The following PKP4 variants were observed in gnomAD, a reference collection of about 807,000 sequenced individuals.
The protein encoded by PKP4 is plakophilin 4, also known as plakophilin-4.
PKP4 carries 90 observed loss-of-function variants against 145.1 expected under a neutral mutation model. That is an observed-to-expected ratio of 0.62 (90% CI 0.52 to 0.74). The LOEUF is 0.74. PKP4 is among the 30% of genes least tolerant of loss of function. The pLI is 0.00. For missense variants in PKP4, 1,340 were observed against 1,482.7 expected, an observed-to-expected ratio of 0.90 and a Z score of 1.58; for synonymous variants, 563 against 577.2, an observed-to-expected ratio of 0.98 and a Z score of 0.35.
intron 3 of PKP4, among the ~76,000 whole-genome samples, chr2:158,597,694 T>G (rs1246405337): frequency 6.6e-6 from 1 of 152,246 alleles, no homozygotes; most frequent in Non-Finnish European, 1.5e-5. Context: ...TCCCTTCTAA[T>G]TAATACTGAG....
At chr2:158,486,257 G>T (rs1435687419) in intron 1 of PKP4, among the ~76,000 whole-genome samples, 1 of 152,124 alleles carries the variant, frequency 6.6e-6, no homozygotes, top group African/African-American at 2.4e-5. Flanking sequence ...ATTGTATGAG[G>T]TATAGAGACA....
intron 11 of PKP4, among the ~76,000 whole-genome samples, chr2:158,653,636 A>G (rs1191368466): frequency 2.0e-5 from 3 of 152,280 alleles, no homozygotes; most frequent in African/African-American, 7.2e-5. Flanking sequence ...CACAACAAAT[A>G]GCTAATTGCT....
intron 1 of PKP4, among the ~76,000 whole-genome samples, chr2:158,517,620 T>A (rs554884322): frequency 6.6e-6 from 1 of 152,256 alleles, no homozygotes; most frequent in South Asian, 2.1e-4. Flanking sequence ...AAGATAATCC[T>A]GGGTAGTAGC....
intron 2 of PKP4, among the ~76,000 whole-genome samples, chr2:158,574,998 A>G (rs2047725312): frequency 6.6e-6 from 1 of 152,262 alleles, no homozygotes; most frequent in African/African-American, 2.4e-5. Flanking sequence ...ACAGAAACTA[A>G]CATGGCTAAT....
chr2:158,590,632 T>G (rs1382208039), intron 3 of PKP4, among the ~76,000 whole-genome samples: 1 of 151,986 alleles, frequency 6.6e-6, no homozygotes, highest in Non-Finnish European at 1.5e-5. Flanking sequence ...TGTCTTTCAG[T>G]AAAGACATTT....
chr2:158,567,515 A>G (rs560759992), intron 2 of PKP4, among the ~76,000 whole-genome samples: 5 of 152,306 alleles, frequency 3.3e-5, no homozygotes, highest in Non-Finnish European at 7.3e-5. Context: ...GGACAGATTG[A>G]GATGATTTCA....
At chr2:158,666,944 T>TA (rs1189090019) in intron 16 of PKP4, among the ~76,000 whole-genome samples, 2 of 152,188 alleles carry the variant, frequency 1.3e-5, no homozygotes, top group South Asian at 2.1e-4. Context: ...ATACTCTAAA[T>TA]AAAAAATCAC....
chr2:158,492,803 A>G (rs1184564361), intron 1 of PKP4, among the ~76,000 whole-genome samples: 1 of 152,254 alleles, frequency 6.6e-6, no homozygotes, highest in African/African-American at 2.4e-5. Flanking sequence ...ACGTGTTTAC[A>G]GTAGAAAATG....
intron 21 of PKP4, chr2:158,679,072 C>G (rs188764627): frequency 6.4e-4 from 108 of 168,078 alleles, no homozygotes; most frequent in African/African-American, 2.4e-3. Flanking sequence ...CCTCCCTGTC[C>G]AAGCTCCACA....
chr2:158,606,141 G>A (rs373492628), intron 4 of PKP4, among the ~76,000 whole-genome samples: 1 of 152,050 alleles, frequency 6.6e-6, no homozygotes, highest in Non-Finnish European at 1.5e-5. Flanking sequence ...GAATTGCTAG[G>A]TCACATGGTA....
intron 3 of PKP4, among the ~76,000 whole-genome samples, chr2:158,581,215 G>A (rs934824671): frequency 2.6e-5 from 4 of 152,132 alleles, no homozygotes; most frequent in Non-Finnish European, 5.9e-5. Context: ...TTTCCGGTAT[G>A]CCATTTCCGA....
At chr2:158,497,791 A>G (rs1195361869) in intron 1 of PKP4, among the ~76,000 whole-genome samples, 3 of 152,230 alleles carry the variant, frequency 2.0e-5, no homozygotes, top group Admixed American at 1.3e-4. Context: ...TGATGTTGCT[A>G]TTATAGCATT....
chr2:158,533,461 G>A, intron 2 of PKP4, 145 bp downstream of exon 2: 1 of 977,912 alleles, frequency 1.0e-6, no homozygotes, highest in Non-Finnish European at 1.6e-6. Flanking sequence ...TGAGTACATT[G>A]GGATGACTGG....
At position 158,624,975 on chromosome 2, in the gene PKP4, G is replaced by T. The variant is rs377445134; in HGVS notation, c.701G>T (p.Arg234Met). 12 of 1,613,976 alleles carry T rather than the reference G, an allele frequency of 7.4e-6. No homozygotes were observed. The African/African-American group carries it at 1.3e-4, about 18-fold the overall frequency. The part of the protein sequence containing the change: ...YVISTGVSPS[R>M]GSLRTSLGSG... ...ATCAGCACAGGCGTGTCTCCTTCAA[G>T]GGGGTCTCTGAGAACTTCTCTGGGT... Residue 234 changes from arginine (R) to methionine (M), a missense_variant, in exon 7 of 22, where the codon AGG (arginine) becomes ATG (methionine). Transcript: ENST00000389759.
intron 12 of PKP4, 141 bp from the exon 13 acceptor site, chr2:158,661,192 C>A: frequency 3.4e-6 from 2 of 596,026 alleles, no homozygotes; most frequent in South Asian, 1.9e-5. Context: ...CAGGATGTTA[C>A]CATGCAAGCC....
intron 3 of PKP4, among the ~76,000 whole-genome samples, chr2:158,598,701 G>A (rs940448811): frequency 1.3e-5 from 2 of 152,084 alleles, no homozygotes; most frequent in African/African-American, 2.4e-5. Context: ...CCTGGGAGGC[G>A]GAGCTTGCAG....
At chr2:158,485,823 CATTA>C (rs1296470648) in intron 1 of PKP4, among the ~76,000 whole-genome samples, 7 of 152,036 alleles carry the variant, frequency 4.6e-5, no homozygotes, top group Non-Finnish European at 1.0e-4. Context: ...TAAGAATAGA[CATTA>C]ATTAGTTTAT....
intron 4 of PKP4, among the ~76,000 whole-genome samples, chr2:158,618,139 T>A (rs940035521): frequency 2.0e-5 from 3 of 152,176 alleles, no homozygotes; most frequent in African/African-American, 7.2e-5. Context: ...GCCAAGATCA[T>A]GCCACTGCAT....
chr2:158,495,003 G>C (rs1215182350), intron 1 of PKP4, among the ~76,000 whole-genome samples: 2 of 151,886 alleles, frequency 1.3e-5, no homozygotes, highest in African/African-American at 4.8e-5. Context: ...CGGATCATGA[G>C]GTCAGGAGTT....
Sources: allele counts gnomAD v4.1 joint callset (sites outside exome capture counted in the v4.1 genomes callset), GRCh38; gene constraint gnomAD v4.1.1; transcripts MANE v1.5; gene names NCBI Gene and HGNC (gene_info 2026-07-23, HGNC 2026-07-21).